Variants in NAE1 observed in about 807,000 individuals in gnomAD.
NAE1 encodes the protein NEDD8 activating enzyme E1 subunit 1.
In NAE1, 59 loss-of-function variants were observed where a neutral mutation model predicts 88.0. The observed-to-expected ratio is 0.67, with a 90% confidence interval of 0.54 to 0.83. The LOEUF is 0.83. Among genes scored for constraint, NAE1 ranks in the 40% least tolerant of loss-of-function variants. The pLI is 0.00. For synonymous variants in NAE1, 186 were observed against 208.9 expected, an observed-to-expected ratio of 0.89 and a Z score of 0.95; for missense variants, 554 against 632.8, an observed-to-expected ratio of 0.88 and a Z score of 1.34.
chr16:66,807,848 T>C (rs942589564), intron 17 of NAE1, among the ~76,000 whole-genome samples: 1 of 152,018 alleles, frequency 6.6e-6, no homozygotes, highest in Non-Finnish European at 1.5e-5. Flanking sequence ...AAAAAGTAGA[T>C]AACTAAACAA....
chr16:66,808,628 A>G lies in NAE1; in HGVS notation c.1238-15T>C, dbSNP rs1303645944. 6.4e-7 allele frequency: 1 copy of G among 1,559,292 alleles called. No individual in the cohort carries two copies. Among genetic ancestry groups the G allele is most frequent in the South Asian group, 1.1e-5 (1 of 87,626 alleles). ...CATGCTAGAAACTGAAAGGAAAAAAAATTTCAGTTTAATTTGGTTAATTTG... is the reference window on the plus strand; with the variant it reads ...CATGCTAGAAACTGAAAGGAAAAAAGATTTCAGTTTAATTTGGTTAATTTG... On this transcript the variant is annotated splice_polypyrimidine_tract_variant and intron_variant, in intron 16 of 19. Transcript: ENST00000290810.
At chr16:66,809,531 T>C (rs1437498937) in intron 15 of NAE1, among the ~76,000 whole-genome samples, 1 of 152,188 alleles carries the variant, frequency 6.6e-6, no homozygotes, top group Non-Finnish European at 1.5e-5. Flanking sequence ...TTTGTATTAT[T>C]GAAATTTTCA....
chr16:66,817,249 T>C (rs1960081607), intron 9 of NAE1, 176 bp downstream of exon 9: 1 of 892,296 alleles, frequency 1.1e-6, no homozygotes, highest in Admixed American at 3.0e-5. Flanking sequence ...TCATTTTAAT[T>C]AAAATTATCA....
At chr16:66,804,109 A>T (rs1402711910) in intron 19 of NAE1, among the ~76,000 whole-genome samples, 1 of 152,148 alleles carries the variant, frequency 6.6e-6, no homozygotes, top group African/African-American at 2.4e-5. Context: ...ATACAAGAGA[A>T]GGGGTTTGTA....
intron 4 of NAE1, among the ~76,000 whole-genome samples, 185 bp from the exon 5 acceptor site, chr16:66,823,785 A>T (rs1341491307): frequency 6.6e-6 from 1 of 152,156 alleles, no homozygotes; most frequent in Non-Finnish European, 1.5e-5. Flanking sequence ...AGTTTGTAGC[A>T]TAGTGGCCTG....
In NAE1 at chr16:66,817,226, C is replaced by T. The variant is rs552596083; in HGVS notation, c.685-198G>A. The stretch of plus-strand genomic sequence containing the variant: ...ATTCCCCCTGCCAGTTTCATAATGA[C>T]ATTTATTGAATTTCATTTTAATTAA... On this transcript the variant is annotated intron_variant, in intron 9 of 19. Coordinates refer to ENST00000290810, the MANE Select transcript of NAE1 (RefSeq NM_003905.4). 1.3e-4 allele frequency: 116 copies of T among 897,744 alleles called. 2 individuals carry two copies. In the South Asian group the frequency reaches 1.7e-3, roughly 13 times the overall value. 55.6% of individuals were successfully genotyped at this position (897,744 alleles called of 1,614,324 possible).
intron 17 of NAE1, among the ~76,000 whole-genome samples, chr16:66,808,062 T>C (rs547573735): frequency 6.6e-6 from 1 of 152,200 alleles, no homozygotes; most frequent in South Asian, 2.1e-4. Context: ...GGCTAATTTT[T>C]TGTATCTTCA....
At chr16:66,805,456 T>G (rs1959524570) in intron 19 of NAE1, among the ~76,000 whole-genome samples, 1 of 151,216 alleles carries the variant, frequency 6.6e-6, no homozygotes, top group East Asian at 1.9e-4. Flanking sequence ...CTGAGCAACA[T>G]AGTGGGACCC....
chr16:66,829,652 G>A (rs986954404), intron 1 of NAE1, among the ~76,000 whole-genome samples: 12 of 152,160 alleles, frequency 7.9e-5, no homozygotes, highest in African/African-American at 2.9e-4. Context: ...GAGGAAAGCT[G>A]AGCAGCTTTG....
At chr16:66,809,110 T>G (rs1254116039) in intron 15 of NAE1, 35 bp from the exon 16 acceptor site, 1 of 1,487,150 alleles carries the variant, frequency 6.7e-7, no homozygotes, top group African/African-American at 1.4e-5. Flanking sequence ...AAGTAATGAC[T>G]GTGACTGGTG....
intron 11 of NAE1, among the ~76,000 whole-genome samples, chr16:66,814,632 T>A (rs1959966994): frequency 7.6e-6 from 1 of 131,396 alleles, no homozygotes; most frequent in African/African-American, 2.9e-5. Context: ...CACACACAAA[T>A]CATAGGCTTG....
At chr16:66,814,017 G>A (rs1295726572) in intron 11 of NAE1, among the ~76,000 whole-genome samples, 171 bp from the exon 12 acceptor site, 1 of 152,034 alleles carries the variant, frequency 6.6e-6, no homozygotes, top group Non-Finnish European at 1.5e-5. Flanking sequence ...AAGATTTGAT[G>A]GGGAAAGAAT....
At chr16:66,826,453 G>A (rs1960467074) in intron 3 of NAE1, 70 bp downstream of exon 3, 1 of 1,419,138 alleles carries the variant, frequency 7.0e-7, no homozygotes, top group South Asian at 1.2e-5. Context: ...CACCCTGACT[G>A]AGGAGGTGAA....
At chr16:66,817,079 G>A in intron 9 of NAE1, 51 bp from the exon 10 acceptor site, 2 of 1,550,316 alleles carry the variant, frequency 1.3e-6, no homozygotes, top group Non-Finnish European at 1.7e-6. Context: ...TCAAAATACA[G>A]AAATTGAAAG....
intron 16 of NAE1, 108 bp downstream of exon 16, chr16:66,808,879 TAC>T (rs1959676741): frequency 1.4e-6 from 1 of 702,906 alleles, no homozygotes; most frequent in Non-Finnish European, 2.2e-6. Flanking sequence ...AGAATATGTT[TAC>T]GTTATCTTTA....
rs1489357453 is a variant in NAE1, at chr16:66,815,955, CGCCTGGCCCCAGCCA to C, written c.840+611_840+625del. Among the ~76,000 whole-genome samples the C allele has an allele frequency of 3.9e-5, 6 of 152,248 alleles. No homozygotes were observed. In the South Asian group the frequency reaches 8.3e-4, roughly 21 times the overall value. On this transcript the variant is annotated intron_variant, in intron 11 of 19. Coordinates refer to ENST00000290810, the MANE Select transcript of NAE1 (RefSeq NM_003905.4). The stretch of plus-strand genomic sequence containing the variant: ...TTGGGATTACAGGTGTGAGCCACCG[CGCCTGGCCCCAGCCA>C]GCACACTTTTAATCACTCAGCAACA...
chr16:66,827,855 T>C (rs1278475245), intron 1 of NAE1: 2 of 753,250 alleles, frequency 2.7e-6, no homozygotes, highest in Admixed American at 2.6e-5. Context: ...TGCCTTGTTT[T>C]TTGTTTTTGT....
intron 11 of NAE1, among the ~76,000 whole-genome samples, chr16:66,815,748 A>C (rs1597043751): frequency 6.8e-6 from 1 of 146,656 alleles, no homozygotes; most frequent in Non-Finnish European, 1.5e-5. Flanking sequence ...TGCAATCTCC[A>C]CCTCCCAGGT....
intron 13 of NAE1, among the ~76,000 whole-genome samples, chr16:66,811,332 C>A (rs1043249461): frequency 6.6e-6 from 1 of 151,974 alleles, no homozygotes; most frequent in African/African-American, 2.4e-5. Context: ...TAATTTTTGT[C>A]TTTTTTGTAG....
Sources: gnomAD v4.1 joint callset for allele counts (sites outside exome capture counted in the v4.1 genomes callset) on GRCh38, gnomAD v4.1.1 for gene constraint, MANE v1.5 for transcripts, NCBI Gene and HGNC (gene_info 2026-07-23, HGNC 2026-07-21) for gene names.